The following HERPUD2 variants were observed in gnomAD, a reference collection of about 807,000 sequenced individuals.
The protein encoded by HERPUD2 is HERPUD family member 2, also known as homocysteine-responsive endoplasmic reticulum-resident ubiquitin-like domain member 2 protein.
Under a neutral mutation model 49.9 loss-of-function variants are expected in HERPUD2, and 13 were observed. That is an observed-to-expected ratio of 0.26 (90% CI 0.17 to 0.41). The LOEUF (loss-of-function observed/expected upper bound fraction) is 0.41, where lower values mean the gene tolerates loss of function less well. Ranked by LOEUF, HERPUD2 falls within the 10% of genes least tolerant of loss-of-function variation. The pLI is 1.00. For synonymous variants in HERPUD2, 172 were observed against 171.4 expected (o/e 1.00, Z -0.03); for missense variants, 449 against 492.2 (o/e 0.91, Z 0.83).
chr7:35,666,293 G>A (rs1333197897), intron 5 of HERPUD2, among the ~76,000 whole-genome samples: 1 of 152,166 alleles, frequency 6.6e-6, no homozygotes, highest in Non-Finnish European at 1.5e-5. Context: ...TGAAAGAAAA[G>A]GCTTCACATT....
At chr7:35,682,388 C>A (rs1476099559) in intron 2 of HERPUD2, among the ~76,000 whole-genome samples, 16 of 92,388 alleles carry the variant, frequency 1.7e-4, no homozygotes, top group East Asian at 1.1e-3. Context: ...TATATATATA[C>A]TTAATCGGCA....
intron 4 of HERPUD2, 111 bp from the exon 5 acceptor site, chr7:35,667,699 C>A: frequency 1.3e-6 from 1 of 788,860 alleles, no homozygotes; most frequent in Non-Finnish European, 2.0e-6. Flanking sequence ...AATAACATTT[C>A]AGAAATTTAC....
At chr7:35,672,533 G>A (rs1423673431) in intron 3 of HERPUD2, among the ~76,000 whole-genome samples, 6 of 151,930 alleles carry the variant, frequency 3.9e-5, no homozygotes, top group Non-Finnish European at 8.8e-5. Flanking sequence ...CACAACAACA[G>A]TTAGAGTTAA....
Position 35,633,771 on chromosome 7 carries a change from T to C in HERPUD2, c.1140A>G (p.Gly380=). ...GEDASAIQRP[G]LMASAWSFIT... Reference sequence around the variant, plus strand: ...TGAAAGACCAAGCTGAAGCCATTAATCCAGGCCTTTGAATTGCACTGGCAT... The same window carrying C: ...TGAAAGACCAAGCTGAAGCCATTAACCCAGGCCTTTGAATTGCACTGGCAT... The change falls in exon 9 of 9, where the codon GGA becomes GGG. Residue 380 remains glycine, a synonymous_variant. Transcript: ENST00000311350. 6.2e-7 allele frequency: 1 copy of C among 1,614,098 alleles called. No individual in the cohort carries two copies. Among genetic ancestry groups the C allele is most frequent in the Non-Finnish European group, 8.5e-7 (1 of 1,179,970 alleles).
At chr7:35,664,254 G>T (rs1785491000) in intron 5 of HERPUD2, among the ~76,000 whole-genome samples, 1 of 152,232 alleles carries the variant, frequency 6.6e-6, no homozygotes, top group Non-Finnish European at 1.5e-5. Flanking sequence ...TCTGCCGAGA[G>T]ATCAGCTATT....
intron 2 of HERPUD2, 84 bp downstream of exon 2, chr7:35,694,100 G>T: frequency 7.0e-7 from 1 of 1,433,178 alleles, no homozygotes; most frequent in Non-Finnish European, 9.8e-7. Context: ...ATTCAAGACT[G>T]GAGGGGAGAA....
chr7:35,664,668 C>G (rs1785500362), intron 5 of HERPUD2, among the ~76,000 whole-genome samples: 1 of 152,200 alleles, frequency 6.6e-6, no homozygotes, highest in South Asian at 2.1e-4. Flanking sequence ...ACCCTTTCTT[C>G]CATTTAATCA....
chr7:35,691,105 C>T (rs1786174071), intron 2 of HERPUD2, among the ~76,000 whole-genome samples: 1 of 152,146 alleles, frequency 6.6e-6, no homozygotes, highest in South Asian at 2.1e-4. Context: ...CATCTTCACA[C>T]TTAGCATAAA....
intron 2 of HERPUD2, among the ~76,000 whole-genome samples, chr7:35,683,905 A>AG (rs397711149): frequency 2.6e-5 from 4 of 152,192 alleles, no homozygotes; most frequent in African/African-American, 9.7e-5. Context: ...AAATCAAAAA[A>AG]TAATAGATGT....
chr7:35,694,195 G>C lies in HERPUD2; in HGVS notation c.136C>G (p.Pro46Ala). ...KLKTHLSNVY[P>A]SKPLTKDQRL... ...TTTTACACACTTACTGGTTTGCTAGGGTAAACGTTAGATAGATGCGTTTTT... is the reference window on the plus strand; with the variant it reads ...TTTTACACACTTACTGGTTTGCTAGCGTAAACGTTAGATAGATGCGTTTTT... The change falls in exon 2 of 9, where the codon CCT becomes GCT. Residue 46 changes from proline to alanine, a missense_variant. Coordinates refer to ENST00000311350, the MANE Select transcript of HERPUD2 (RefSeq NM_022373.5). 3 of 1,614,064 alleles carry C rather than the reference G, an allele frequency of 1.9e-6. No homozygotes were observed. The highest frequency in any genetic ancestry group is 2.5e-6 in the Non-Finnish European group (3 of 1,180,002).
Position 35,694,559 on chromosome 7 carries a change from A to T in HERPUD2, c.-229T>A. On this transcript the variant is annotated 5_prime_UTR_variant, in exon 2 of 9. Transcript: ENST00000311350. ...GGTCTGGGTGCCCGGCCGTGGAGGCAGCTCTCCCCGCCAGGTCCGGGCTCC... is the reference window on the plus strand; with the variant it reads ...GGTCTGGGTGCCCGGCCGTGGAGGCTGCTCTCCCCGCCAGGTCCGGGCTCC... 1.8e-6 allele frequency: 1 copy of T among 552,292 alleles called. No individual in the cohort carries two copies. Among genetic ancestry groups the T allele is most frequent in the Non-Finnish European group, 3.2e-6 (1 of 308,246 alleles). The allele number at this position is 552,292 out of a possible 1,614,324, so 34.2% of individuals were successfully genotyped here.
chr7:35,694,435 T>C lies in HERPUD2; in HGVS notation c.-105A>G, dbSNP rs962044129. The C allele has an allele frequency of 6.1e-6, 7 of 1,153,324 alleles. No individual in the cohort carries two copies. The highest frequency in any genetic ancestry group is 7.7e-6 in the Non-Finnish European group (6 of 783,218). 71.4% of individuals were successfully genotyped at this position (1,153,324 alleles called of 1,614,324 possible). On this transcript the variant is annotated 5_prime_UTR_variant, in exon 2 of 9. An upstream open reading frame in the 5' UTR loses its in-frame stop. Coordinates refer to ENST00000311350, the MANE Select transcript of HERPUD2 (RefSeq NM_022373.5). The stretch of plus-strand genomic sequence containing the variant: ...TGGGATGAGGACAGAAGTGAGTTCT[T>C]AGTATTCCGTGTCCAAGTCAGTTAC...
rs1357781295 is a variant in HERPUD2 at position 35,635,467 on chromosome 7, G to A, written c.618-9C>T. On this transcript the variant is annotated splice_polypyrimidine_tract_variant and intron_variant, in intron 6 of 8. Transcript: ENST00000311350. The stretch of plus-strand genomic sequence containing the variant: ...CTGAAACTGCAGCTTGACTGAAATA[G>A]TCACCAAAATAAATATTAAAAAGAA... 10 of 1,592,194 alleles carry A rather than the reference G, an allele frequency of 6.3e-6. No homozygotes were observed. Among genetic ancestry groups the A allele is most frequent in the Non-Finnish European group, 7.7e-6 (9 of 1,169,420 alleles).
In HERPUD2 at chr7:35,657,603, C is replaced by CAAA. The variant is rs34292182; in HGVS notation, c.494+9828_494+9830dup. 1.4e-4 allele frequency among the ~76,000 whole-genome samples: 8 copies of CAAA among 57,082 alleles called. No homozygotes were observed. In the East Asian group the frequency reaches 2.3e-3, roughly 17 times the overall value. The allele number at this position is 57,082 out of a possible 152,430, so 37.4% of individuals were successfully genotyped here. A position where few individuals can be genotyped will look rare whatever the true frequency, so the allele number is the denominator to read the frequency against. On this transcript the variant is annotated intron_variant, in intron 5 of 8. Coordinates refer to ENST00000311350, the MANE Select transcript of HERPUD2 (RefSeq NM_022373.5). ...TGGGCAACAGAGCAAGACCTTCTCT[C>CAAA]AAAAAAAAAAAAAAAAAAAAAAGGC...
chr7:35,657,320 C>A (rs1412206953), intron 5 of HERPUD2, among the ~76,000 whole-genome samples: 1 of 151,810 alleles, frequency 6.6e-6, no homozygotes, highest in East Asian at 1.9e-4. Flanking sequence ...TTAATTTTAC[C>A]CCTGTTAGAA....
At position 35,682,357 on chromosome 7, in the gene HERPUD2, GTATATATATATATA is replaced by G. The variant is rs3052526; in HGVS notation, c.148-9093_148-9080del. ...TGTGTGTGTGTGTGTGTGTGTGTGT[GTATATATATATATA>G]TATATATATATATATACTTAATCGG... On this transcript the variant is annotated intron_variant, in intron 2 of 8. Transcript: ENST00000311350. Among the ~76,000 whole-genome samples the G allele has an allele frequency of 1.7e-3, 43 of 25,826 alleles. 4 individuals carry two copies. Among genetic ancestry groups the G allele is most frequent in the Middle Eastern group, 0.036 (1 of 28 alleles). The allele number at this position is 25,826 out of a possible 152,430, so 16.9% of individuals were successfully genotyped here. A position where few individuals can be genotyped will look rare whatever the true frequency, so the allele number is the denominator to read the frequency against.
At chr7:35,691,191 G>A (rs1786176285) in intron 2 of HERPUD2, among the ~76,000 whole-genome samples, 1 of 152,102 alleles carries the variant, frequency 6.6e-6, no homozygotes, top group African/African-American at 2.4e-5. Context: ...TTGAGGGGGA[G>A]GGGTACATTT....
intron 5 of HERPUD2, among the ~76,000 whole-genome samples, chr7:35,664,574 A>C (rs1785498408): frequency 6.6e-6 from 1 of 152,158 alleles, no homozygotes; most frequent in African/African-American, 2.4e-5. Context: ...TATTTCTTGG[A>C]GGCTTTGTTC....
At chr7:35,682,825 CA>C (rs34729704) in intron 2 of HERPUD2, among the ~76,000 whole-genome samples, 312 of 129,100 alleles carry the variant, frequency 2.4e-3, no homozygotes, top group Middle Eastern at 7.9e-3. Context: ...ACAACAGCTG[CA>C]AAAAAAAAAA....
Sources: allele counts gnomAD v4.1 joint callset (sites outside exome capture counted in the v4.1 genomes callset), GRCh38; gene constraint gnomAD v4.1.1; transcripts MANE v1.5; gene names NCBI Gene and HGNC (gene_info 2026-07-23, HGNC 2026-07-21).